CLCN2: variants seen among roughly 807,000 people sequenced by gnomAD.
CLCN2 encodes the protein chloride voltage-gated channel 2.
CLCN2 carries 72 observed loss-of-function variants against 108.3 expected under a neutral mutation model. That is an observed-to-expected ratio of 0.66 (90% CI 0.55 to 0.81). The LOEUF (loss-of-function observed/expected upper bound fraction) is 0.81. Among genes scored for constraint, CLCN2 ranks in the 30% least tolerant of loss-of-function variants. The pLI, the probability that CLCN2 is intolerant of heterozygous loss-of-function variation, is 0.00. For missense variants in CLCN2, 1,048 were observed against 1,205.2 expected, an observed-to-expected ratio of 0.87 and a Z score of 1.93; for synonymous variants, 471 against 467.1, an observed-to-expected ratio of 1.01 and a Z score of -0.11.
At chr3:184,351,903 C>G in intron 22 of CLCN2, 110 bp downstream of exon 22, 2 of 833,608 alleles carry the variant, frequency 2.4e-6, no homozygotes, top group South Asian at 2.7e-5. Context: ...AGCCAACTCC[C>G]TTCTCCTCCC....
At chr3:184,352,529 G>A (rs762461764) in intron 19 of CLCN2, 33 bp from the exon 20 acceptor site, 24 of 1,606,434 alleles carry the variant, frequency 1.5e-5, no homozygotes, top group South Asian at 2.2e-5. Context: ...CCAGAAAGAT[G>A]AGGAGTTGAG....
At position 184,358,961 on chromosome 3, in the gene CLCN2, A is replaced by C. The variant is rs1577326940; in HGVS notation, c.220+14T>G. ...CAGCACAGCCAGGTCCCCTGCCCCC[A>C]CCCCAGTTCTCACCGCGGCATCGGG... On this transcript the variant is annotated intron_variant, in intron 2 of 23. Transcript: ENST00000265593. 6.2e-7 allele frequency: 1 copy of C among 1,611,828 alleles called. No homozygotes were observed. Among genetic ancestry groups the C allele is most frequent in the African/African-American group, 1.3e-5 (1 of 74,348 alleles).
intron 1 of CLCN2, among the ~76,000 whole-genome samples, chr3:184,360,495 C>T (rs1292081635): frequency 6.6e-6 from 1 of 152,106 alleles, no homozygotes; most frequent in African/African-American, 2.4e-5. Flanking sequence ...CTCTCCCTGA[C>T]ATCCTGATTC....
intron 5 of CLCN2, 29 bp downstream of exon 5, chr3:184,357,933 G>T: frequency 6.2e-7 from 1 of 1,613,764 alleles, no homozygotes; most frequent in Non-Finnish European, 8.5e-7. Flanking sequence ...CACCAGGAGG[G>T]ACTCCTTCAT....
rs765242930 is a variant in CLCN2 at position 184,346,759 on chromosome 3, C to T, written c.2544G>A (p.Val848=). ...AIEGSVTAQG[V]KVRPPLASFR... is the part of the protein sequence containing the mutation. Reference sequence around the variant, plus strand: ...AGCTGGCGAGGGGCGGCCGGACTTTCACACCCTGTGCTGTGACAGAGCCCT... The same window carrying T: ...AGCTGGCGAGGGGCGGCCGGACTTTTACACCCTGTGCTGTGACAGAGCCCT... Residue 848 remains valine, a synonymous_variant, in exon 24 of 24, where the codon GTG becomes GTA. Transcript: ENST00000265593. This position sits in a 1 kb window ranked among gnomAD's most constrained non-coding sequence, Gnocchi z 6.0. 38 of 1,614,006 alleles carry T rather than the reference C, an allele frequency of 2.4e-5. No individual in the cohort carries two copies. The South Asian group carries it at 4.0e-4, about 17-fold the overall frequency.
Position 184,361,575 on chromosome 3 carries a change from C to T in CLCN2, c.-96G>A. 5.0e-6 allele frequency: 7 copies of T among 1,406,404 alleles called. No individual in the cohort carries two copies. Among genetic ancestry groups the T allele is most frequent in the Non-Finnish European group, 6.8e-6 (7 of 1,021,988 alleles). 87.1% of individuals were successfully genotyped at this position (1,406,404 alleles called of 1,614,324 possible). On this transcript the variant is annotated 5_prime_UTR_variant, in exon 1 of 24. Coordinates refer to ENST00000265593, the MANE Select transcript of CLCN2 (RefSeq NM_004366.6). The surrounding 1 kb of genome is among the most constrained non-coding windows in gnomAD (Gnocchi z 6.6). ...AGTCCGCGCCGGCAGCCGTCCCGTCCCCGCAGCCCGGGAGGCCGAGAGCAG... is the reference window on the plus strand; with the variant it reads ...AGTCCGCGCCGGCAGCCGTCCCGTCTCCGCAGCCCGGGAGGCCGAGAGCAG...
In CLCN2 at chr3:184,354,673, G is replaced by T; in HGVS notation, c.1397-15C>A. 6.1e-6 allele frequency: 7 copies of T among 1,139,744 alleles called. No individual in the cohort carries two copies. The highest frequency in any genetic ancestry group is 7.5e-6 in the Non-Finnish European group (6 of 802,672). The allele number at this position is 1,139,744 out of a possible 1,614,324, so 70.6% of individuals were successfully genotyped here. A position where few individuals can be genotyped will look rare whatever the true frequency, so the allele number is the denominator to read the frequency against. ...AAATGCTGCTCCTTCAGGGAGGGGGGTGGGAAGAGAAAGAGGCAGTGGAGG... is the reference window on the plus strand; with the variant it reads ...AAATGCTGCTCCTTCAGGGAGGGGGTTGGGAAGAGAAAGAGGCAGTGGAGG... On this transcript the variant is annotated splice_polypyrimidine_tract_variant and intron_variant, in intron 13 of 23. Coordinates refer to ENST00000265593, the MANE Select transcript of CLCN2 (RefSeq NM_004366.6).
rs1177720339 is a variant in CLCN2 at position 184,355,370 on chromosome 3, C to G, written c.1326+4G>C. 3 of 1,613,700 alleles carry G rather than the reference C, an allele frequency of 1.9e-6. No homozygotes were observed. The Admixed American group carries it at 5.0e-5, about 27-fold the overall frequency. ...GGTTAGCAGTGTACACGTGAGGAGC[C>G]CACCTTCATGAGAATGAAGATGACC... On this transcript the variant is annotated splice_donor_region_variant and intron_variant, in intron 12 of 23. Transcript: ENST00000265593. The surrounding 1 kb of genome is among the most constrained non-coding windows in gnomAD (Gnocchi z 6.3).
intron 10 of CLCN2, 102 bp downstream of exon 10, chr3:184,356,891 G>A (rs1728591684): frequency 2.5e-6 from 2 of 795,884 alleles, no homozygotes; most frequent in East Asian, 5.1e-5. Context: ...TCAGTGAAGT[G>A]CCTGTTTTGA....
In CLCN2 at chr3:184,353,420, A is replaced by T; in HGVS notation, c.1858T>A (p.Ser620Thr). The T allele has an allele frequency of 1.2e-6, 2 of 1,606,366 alleles. No individual in the cohort carries two copies. The highest frequency in any genetic ancestry group is 8.5e-7 in the Non-Finnish European group (1 of 1,176,398). Residue 620 changes from serine (S) to threonine (T), a missense_variant and splice_region_variant, in exon 17 of 24, where the codon TCC becomes ACC. Ser to Thr is a moderately conservative substitution (Grantham distance 58). Coordinates refer to ENST00000265593, the MANE Select transcript of CLCN2 (RefSeq NM_004366.6). ...RMLALVESPE[S>T]MILLGSIERS... ...TCGATGGAGCCCAGCAGAATCATGGACTCTGGACAGAACAGGTGGAAGGAC... is the reference window on the plus strand; with the variant it reads ...TCGATGGAGCCCAGCAGAATCATGGTCTCTGGACAGAACAGGTGGAAGGAC...
intron 10 of CLCN2, chr3:184,356,342 A>AT (rs763483270): frequency 9.0e-5 from 15 of 165,954 alleles, no homozygotes; most frequent in South Asian, 3.0e-4. Context: ...TGTTCTGGAG[A>AT]TTAAAAAAAA....
intron 1 of CLCN2, among the ~76,000 whole-genome samples, chr3:184,359,709 C>T (rs1711714565): frequency 1.3e-5 from 2 of 152,196 alleles, no homozygotes; most frequent in South Asian, 4.1e-4. Flanking sequence ...GCCAGCCCAG[C>T]TGGGAGTGGA....
At chr3:184,353,566 T>C (rs1258661877) in intron 16 of CLCN2, 96 bp downstream of exon 16, 3 of 1,574,782 alleles carry the variant, frequency 1.9e-6, no homozygotes, top group Admixed American at 1.8e-5. Flanking sequence ...TCCATTCCCT[T>C]TGGAACCAAG....
intron 22 of CLCN2, chr3:184,347,230 CA>C: frequency 1.6e-6 from 1 of 625,658 alleles, no homozygotes; most frequent in Non-Finnish European, 2.9e-6. Flanking sequence ...ACTTGATACT[CA>C]AAATCCTTAT....
rs1395922969 is a variant in CLCN2, at chr3:184,353,306, A to C, written c.1972T>G (p.Ser658Ala). The C allele has an allele frequency of 1.2e-6, 2 of 1,613,496 alleles. No individual in the cohort carries two copies. Among genetic ancestry groups the C allele is most frequent in the African/African-American group, 2.7e-5 (2 of 74,898 alleles). The change falls in exon 17 of 24, where the codon TCT (serine) becomes GCT (alanine). Residue 658 changes from serine (S) to alanine (A), a missense_variant. Transcript: ENST00000265593. Reference sequence around the variant, plus strand: ...GGACCCTCCTGATCAGATAGTGGAGAGGTCTGGGTGGCTCTGCGCTCCTGC... The same window carrying C: ...GGACCCTCCTGATCAGATAGTGGAGCGGTCTGGGTGGCTCTGCGCTCCTGC... ...HMQERRATQT[S>A]PLSDQEGPPT... is the part of the protein sequence containing the mutation.
At position 184,355,040 on chromosome 3, in the gene CLCN2, C is replaced by A; in HGVS notation, c.1327-67G>T. On this transcript the variant is annotated intron_variant, in intron 12 of 23. Coordinates refer to ENST00000265593, the MANE Select transcript of CLCN2 (RefSeq NM_004366.6). This position sits in a 1 kb window ranked among gnomAD's most constrained non-coding sequence, Gnocchi z 6.3. ...GGCCCCAGGCAGCCCACAGCGCCAC[C>A]CAGGAGAAGTCTACCTCGCTGATCA... 8.3e-6 allele frequency: 12 copies of A among 1,447,548 alleles called. No individual in the cohort carries two copies. Among genetic ancestry groups the A allele is most frequent in the Non-Finnish European group, 1.1e-5 (11 of 1,030,020 alleles). The allele number at this position is 1,447,548 out of a possible 1,614,324, so 89.7% of individuals were successfully genotyped here.
At chr3:184,352,930 C>T in intron 18 of CLCN2, 103 bp downstream of exon 18, 4 of 1,525,830 alleles carry the variant, frequency 2.6e-6, no homozygotes, top group Non-Finnish European at 3.6e-6. Context: ...TGTGGGCAGC[C>T]TCTTCCAGCT....
At position 184,355,026 on chromosome 3, in the gene CLCN2, G is replaced by A; in HGVS notation, c.1327-53C>T. On this transcript the variant is annotated intron_variant, in intron 12 of 23. Coordinates refer to ENST00000265593, the MANE Select transcript of CLCN2 (RefSeq NM_004366.6). The surrounding 1 kb of genome is among the most constrained non-coding windows in gnomAD (Gnocchi z 6.3). ...AAGAGGCTCCACCTGGCCCCAGGCA[G>A]CCCACAGCGCCACCCAGGAGAAGTC... 4.0e-6 allele frequency: 6 copies of A among 1,518,712 alleles called. No homozygotes were observed. Among genetic ancestry groups the A allele is most frequent in the Non-Finnish European group, 5.5e-6 (6 of 1,094,156 alleles). The allele number at this position is 1,518,712 out of a possible 1,614,324, so 94.1% of individuals were successfully genotyped here.
chr3:184,359,180 G>A (rs1169448570), intron 1 of CLCN2, 49 bp from the exon 2 acceptor site: 8 of 1,608,912 alleles, frequency 5.0e-6, no homozygotes, highest in South Asian at 1.1e-5. Context: ...GGCTGAGTGG[G>A]AACGCAGGGA....
Sources: allele counts gnomAD v4.1 joint callset (sites outside exome capture counted in the v4.1 genomes callset), GRCh38; gene constraint gnomAD v4.1.1; non-coding constraint Gnocchi (gnomAD v3.1); transcripts MANE v1.5; gene names NCBI Gene and HGNC (gene_info 2026-07-23, HGNC 2026-07-21).